The following DNAH8 variants were observed in gnomAD, a reference collection of about 807,000 sequenced individuals.
The protein encoded by DNAH8 is axonemal beta dynein heavy chain 8.
A neutral mutation model predicts 562.1 loss-of-function variants in DNAH8; 382 were observed. That is an observed-to-expected ratio of 0.68 (90% CI 0.63 to 0.74). DNAH8 has a LOEUF of 0.74. Ranked by LOEUF, DNAH8 falls within the 30% of genes least tolerant of loss-of-function variation. The pLI is 0.00. For synonymous variants in DNAH8, 1,881 were observed against 1,919.4 expected (o/e 0.98, Z 0.52); for missense variants, 5,203 against 5,620.4 (o/e 0.93, Z 2.37).
chr6:38,758,694 A>T (rs1234752408), intron 10 of DNAH8, among the ~76,000 whole-genome samples: 1 of 152,242 alleles, frequency 6.6e-6, no homozygotes, highest in East Asian at 1.9e-4. Context: ...TTATTTTGAG[A>T]TACATCCCAT....
chr6:38,951,021 T>C (rs530704081), intron 81 of DNAH8, among the ~76,000 whole-genome samples: 2 of 152,292 alleles, frequency 1.3e-5, no homozygotes, highest in South Asian at 2.1e-4. Flanking sequence ...GAAAAGGCTG[T>C]GGAGCTTCAG....
chr6:38,715,941 TATA>T (rs1762270569), intron 1 of DNAH8, among the ~76,000 whole-genome samples: 7 of 16,998 alleles, frequency 4.1e-4, no homozygotes, highest in East Asian at 2.0e-3. Context: ...TATATATATA[TATA>T]TATATATATA....
intron 5 of DNAH8, among the ~76,000 whole-genome samples, chr6:38,735,861 A>G (rs189390229): frequency 3.2e-4 from 49 of 152,306 alleles, no homozygotes; most frequent in African/African-American, 1.0e-3. Flanking sequence ...ATCTGTGGCC[A>G]GTCGCAGTGG....
intron 4 of DNAH8, 26 bp from the exon 5 acceptor site, chr6:38,734,448 G>T (rs747923196): frequency 1.2e-6 from 2 of 1,607,004 alleles, no homozygotes; most frequent in Non-Finnish European, 1.7e-6. Context: ...GTGATTATAC[G>T]CTAAGTTCTT....
chr6:38,968,447 T>G (rs1186059579), intron 82 of DNAH8, among the ~76,000 whole-genome samples: 1 of 152,128 alleles, frequency 6.6e-6, no homozygotes, highest in Non-Finnish European at 1.5e-5. Flanking sequence ...AATAGTCAAA[T>G]TACCCAATTT....
Position 38,780,051 on chromosome 6 carries a change from G to T in DNAH8, c.2125G>T (p.Asp709Tyr). ...RILQYYVAEL[D>Y]ATKKLYHSQK... is the part of the protein sequence containing the mutation. ...TCTTCAGTACTATGTGGCTGAACTT[G>T]ATGCTACTAAGAAGGCAAGTGTCAT... The change falls in exon 15 of 93, where the codon GAT (aspartate) becomes TAT (tyrosine). Residue 709 changes from aspartate (D) to tyrosine (Y), a missense_variant. By Grantham distance (160) the Asp-to-Tyr change is radical. This residue lies in a region of DNAH8 where 2,176 missense variants were observed against 2,365.1 expected (regional missense o/e 0.92). Coordinates refer to ENST00000327475, the MANE Select transcript of DNAH8 (RefSeq NM_001206927.2). 1 of 1,613,864 alleles carries T rather than the reference G, an allele frequency of 6.2e-7. No homozygotes were observed. Among genetic ancestry groups the T allele is most frequent in the Non-Finnish European group, 8.5e-7 (1 of 1,179,846 alleles).
intron 26 of DNAH8, among the ~76,000 whole-genome samples, chr6:38,816,792 A>G (rs1772321576): frequency 6.6e-6 from 1 of 152,134 alleles, no homozygotes; most frequent in Admixed American, 6.5e-5. Context: ...CTGGCATGAG[A>G]TGGTATCTCA....
chr6:38,824,831 G>A (rs996226748), intron 28 of DNAH8, among the ~76,000 whole-genome samples: 1 of 151,926 alleles, frequency 6.6e-6, no homozygotes, highest in Admixed American at 6.6e-5. Flanking sequence ...GGAAGTACTT[G>A]TGATTCTCTG....
chr6:38,967,039 G>A (rs764726876), intron 82 of DNAH8, among the ~76,000 whole-genome samples: 1 of 152,024 alleles, frequency 6.6e-6, no homozygotes, highest in Admixed American at 6.6e-5. Context: ...GAATTTTAGG[G>A]GTACATAAAC....
chr6:38,865,485 T>C (rs1219249727), intron 45 of DNAH8, among the ~76,000 whole-genome samples: 1 of 152,206 alleles, frequency 6.6e-6, no homozygotes, highest in Non-Finnish European at 1.5e-5. Context: ...TAAAAAAAAT[T>C]GTAGTTTAAC....
Position 38,771,617 on chromosome 6 carries a change from G to C in DNAH8, c.1764+1058G>C, listed in dbSNP as rs1013988266. On this transcript the variant is annotated intron_variant, in intron 12 of 92. Transcript: ENST00000327475. ...TGTCTCTATAGATGTACCTCTTCTG[G>C]ACACTTTATATAAATGAAATCATAC... is the stretch of plus-strand genomic sequence containing the variant. Among the ~76,000 whole-genome samples the C allele has an allele frequency of 4.6e-5, 7 of 152,036 alleles. No homozygotes were observed. The South Asian group carries it at 8.3e-4, about 18-fold the overall frequency.
intron 25 of DNAH8, 70 bp from the exon 26 acceptor site, chr6:38,815,398 G>A: frequency 2.4e-6 from 3 of 1,268,392 alleles, no homozygotes; most frequent in Non-Finnish European, 3.4e-6. Context: ...GTGGGGAATG[G>A]AGGTGGTGAA....
chr6:38,943,264 A>G (rs1783600725), intron 79 of DNAH8, among the ~76,000 whole-genome samples: 1 of 152,240 alleles, frequency 6.6e-6, no homozygotes, highest in Non-Finnish European at 1.5e-5. Flanking sequence ...TTTTAAACAA[A>G]ACATAACATT....
At chr6:38,736,983 T>G in intron 5 of DNAH8, 84 bp from the exon 6 acceptor site, 1 of 951,266 alleles carries the variant, frequency 1.1e-6, no homozygotes, top group Non-Finnish European at 1.5e-6. Context: ...TGTCTATGTT[T>G]ATTGCAATAT....
At chr6:38,964,801 C>A (rs1762863935) in intron 82 of DNAH8, among the ~76,000 whole-genome samples, 1 of 152,138 alleles carries the variant, frequency 6.6e-6, no homozygotes, top group Non-Finnish European at 1.5e-5. Flanking sequence ...GTGGCTCACA[C>A]CTGTAATCCC....
chr6:38,973,375 C>T (rs551186678), intron 83 of DNAH8, among the ~76,000 whole-genome samples: 2 of 152,280 alleles, frequency 1.3e-5, no homozygotes, highest in African/African-American at 4.8e-5. Context: ...TTAGATGGTG[C>T]ACACACTGTA....
At chr6:38,766,899 G>A (rs988171456) in intron 11 of DNAH8, among the ~76,000 whole-genome samples, 1 of 152,100 alleles carries the variant, frequency 6.6e-6, no homozygotes, top group African/African-American at 2.4e-5. Context: ...AAGCAAGTCT[G>A]ATAGAAATCA....
chr6:38,931,927 T>A lies in DNAH8; in HGVS notation c.11391T>A (p.Asp3797Glu). The A allele has an allele frequency of 6.2e-7, 1 of 1,611,730 alleles. No individual in the cohort carries two copies. The highest frequency in any genetic ancestry group is 8.5e-7 in the Non-Finnish European group (1 of 1,179,072). ...PEINAKTSVI[D>E]FTVTMKGLEN... ...TTAATGCTAAAACGTCAGTCATTGATTTCACTGTTACAATGAAAGGACTTG... is the reference window on the plus strand; with the variant it reads ...TTAATGCTAAAACGTCAGTCATTGAATTCACTGTTACAATGAAAGGACTTG... Residue 3797 changes from aspartate (D) to glutamate (E), a missense_variant, in exon 76 of 93, where the codon GAT (aspartate) becomes GAA (glutamate). Transcript: ENST00000327475.
chr6:38,891,037 A>C (rs549083354), intron 58 of DNAH8, among the ~76,000 whole-genome samples: 84 of 152,340 alleles, frequency 5.5e-4, no homozygotes, highest in African/African-American at 1.9e-3. Context: ...CTGCATTTCC[A>C]CTTGTTACTC....
Sources: gnomAD v4.1 joint callset for allele counts (sites outside exome capture counted in the v4.1 genomes callset) on GRCh38, gnomAD v4.1.1 for gene constraint, gnomAD v4.1.1 regional missense constraint, MANE v1.5 for transcripts, NCBI Gene and HGNC (gene_info 2026-07-23, HGNC 2026-07-21) for gene names.